MKI67: variants seen among roughly 807,000 people sequenced by gnomAD.
The protein encoded by MKI67 is marker of proliferation Ki-67, also known as proliferation marker protein Ki-67.
MKI67 carries 152 observed loss-of-function variants against 233.5 expected under a neutral mutation model. The ratio of observed to expected loss-of-function variants is 0.65; its 90% CI spans 0.57 to 0.74. The LOEUF (loss-of-function observed/expected upper bound fraction) is 0.74. MKI67 is among the 30% of genes least tolerant of loss of function. The probability of loss-of-function intolerance (pLI) is 0.00; values close to 1 mark genes in which losing one functional copy is unlikely to be tolerated. For synonymous variants in MKI67, 1,465 were observed against 1,418.5 expected (o/e 1.03, Z -0.74); for missense variants, 3,940 against 3,885.2 (o/e 1.01, Z -0.37).
In MKI67 at chr10:128,112,104, T is replaced by TAA. The variant is rs1057107027; in HGVS notation, c.1969+27_1969+28dup. 1.9e-6 allele frequency: 3 copies of TAA among 1,610,086 alleles called. No individual in the cohort carries two copies. The African/African-American group carries it at 4.0e-5, about 22-fold the overall frequency. On this transcript the variant is annotated intron_variant, in intron 9 of 14. Transcript: ENST00000368654. ...TTAGCATTCATGAAAAAATTCACCT[T>TAA]AATATATGTATTCTAATGTCAGACT...
At chr10:128,118,800 T>C (rs1590316912) in intron 5 of MKI67, among the ~76,000 whole-genome samples, 1 of 152,232 alleles carries the variant, frequency 6.6e-6, no homozygotes, top group Non-Finnish European at 1.5e-5. Context: ...TTTTCCTGTT[T>C]CATGGGTCGT....
intron 11 of MKI67, chr10:128,111,374 T>C (rs1003514306): frequency 6.1e-6 from 2 of 325,506 alleles, no homozygotes; most frequent in Admixed American, 4.6e-5. Context: ...CAGCTTTCTA[T>C]GTATACGCTG....
In MKI67 at chr10:128,107,982, C is replaced by T. The variant is rs1852558825; in HGVS notation, c.3858G>A (p.Arg1286=). 6.2e-7 allele frequency: 1 copy of T among 1,613,710 alleles called. No homozygotes were observed. Among genetic ancestry groups the T allele is most frequent in the African/African-American group, 1.3e-5 (1 of 74,842 alleles). Residue 1286 remains arginine (R), a synonymous_variant, in exon 13 of 15, where the codon AGG becomes AGA. Coordinates refer to ENST00000368654, the MANE Select transcript of MKI67 (RefSeq NM_002417.5). ...CTTTGCCTGCTGATGGCATTAGATT[C>T]CTGCACGCTAAGAGTTCTCCCTCTA... is the stretch of plus-strand genomic sequence containing the variant. ...ADVEGELLAC[R]NLMPSAGKAM...
Position 128,123,185 on chromosome 10 carries a change from G to T in MKI67, c.93-16C>A. ...TTCAATACCCCTTCATGCAAAAGAAGAAGGTTTTTTTGGTTGCTGCAACTT... is the reference window on the plus strand; with the variant it reads ...TTCAATACCCCTTCATGCAAAAGAATAAGGTTTTTTTGGTTGCTGCAACTT... On this transcript the variant is annotated splice_polypyrimidine_tract_variant and intron_variant, in intron 2 of 14. Coordinates refer to ENST00000368654, the MANE Select transcript of MKI67 (RefSeq NM_002417.5). 1 of 1,601,174 alleles carries T rather than the reference G, an allele frequency of 6.2e-7. No individual in the cohort carries two copies. Among genetic ancestry groups the T allele is most frequent in the Non-Finnish European group, 8.5e-7 (1 of 1,170,444 alleles).
chr10:128,104,649 C>T lies in MKI67; in HGVS notation c.7191G>A (p.Glu2397=), dbSNP rs773814018. Residue 2397 remains glutamate (E), a synonymous_variant, in exon 13 of 15, where the codon GAG becomes GAA. Coordinates refer to ENST00000368654, the MANE Select transcript of MKI67 (RefSeq NM_002417.5). ...TTTCCACAAATGTGTTGATATTTTT[C>T]TCATCACTTACTGCTGGTTTTGGTG... ...MDTPKPAVSD[E]KNINTFVETP... 2 of 1,613,702 alleles carry T rather than the reference C, an allele frequency of 1.2e-6. No individual in the cohort carries two copies. The highest frequency in any genetic ancestry group is 2.2e-5 in the South Asian group (2 of 91,072).
chr10:128,111,449 A>C lies in MKI67; in HGVS notation c.2260+196T>G, dbSNP rs536078908. ...TATTTCATGCAGGACATGTGATCCCAAAAATTAGCAGAGACTTGTCTTTGC... is the reference window on the plus strand; with the variant it reads ...TATTTCATGCAGGACATGTGATCCCCAAAATTAGCAGAGACTTGTCTTTGC... On this transcript the variant is annotated intron_variant, in intron 11 of 14. Coordinates refer to ENST00000368654, the MANE Select transcript of MKI67 (RefSeq NM_002417.5). 298 of 544,832 alleles carry C rather than the reference A, an allele frequency of 5.5e-4. No individual in the cohort carries two copies. The East Asian group carries it at 6.1e-3, about 11-fold the overall frequency. The allele number at this position is 544,832 out of a possible 1,614,324, so 33.7% of individuals were successfully genotyped here.
At chr10:128,123,316 G>A (rs752467579) in intron 2 of MKI67, 147 bp from the exon 3 acceptor site, 14 of 635,460 alleles carry the variant, frequency 2.2e-5, no homozygotes, top group South Asian at 3.9e-5. Context: ...CAATGTAAAC[G>A]ATCTTGCATT....
At chr10:128,116,339 T>A in intron 6 of MKI67, 152 bp downstream of exon 6, 1 of 716,572 alleles carries the variant, frequency 1.4e-6, no homozygotes, top group Non-Finnish European at 2.4e-6. Flanking sequence ...AAGTTAGGCA[T>A]CTGTCTGTCG....
In MKI67 at chr10:128,097,537, T is replaced by C. The variant is rs1254675753; in HGVS notation, c.*1653A>G. 6.6e-6 allele frequency: 1 copy of C among 152,192 alleles called. No individual in the cohort carries two copies. The highest frequency in any genetic ancestry group is 1.5e-5 in the Non-Finnish European group (1 of 68,040). 9.4% of individuals were successfully genotyped at this position (152,192 alleles called of 1,614,324 possible). A position where few individuals can be genotyped will look rare whatever the true frequency, so the allele number is the denominator to read the frequency against. On this transcript the variant is annotated 3_prime_UTR_variant, in exon 15 of 15. Transcript: ENST00000368654. ...TCCACTCCACAGGCATATGGCTGGA[T>C]GAAATTTTTCTATGTGAGGTTCATA...
intron 8 of MKI67, 101 bp from the exon 9 acceptor site, chr10:128,112,546 T>TC: frequency 2.6e-6 from 3 of 1,148,040 alleles, no homozygotes; most frequent in Non-Finnish European, 3.7e-6. Context: ...GCTGTTTAAA[T>TC]CTTGAAGCAT....
chr10:128,108,090 G>T lies in MKI67; in HGVS notation c.3750C>A (p.Pro1250=), dbSNP rs1852563076. 2 of 1,613,266 alleles carry T rather than the reference G, an allele frequency of 1.2e-6. No individual in the cohort carries two copies. The highest frequency in any genetic ancestry group is 2.7e-5 in the African/African-American group (2 of 74,592). Residue 1250 remains proline, a synonymous_variant, in exon 13 of 15, where the codon CCC becomes CCA. Transcript: ENST00000368654. The part of the protein sequence containing the change: ...LVAAGKTTKI[P]CDSPQSDPVD... ...CTGGGTCTGACTGTGGAGAGTCGCA[G>T]GGTATTTTAGTGGTTTTACCAGCAG...
At chr10:128,110,241 A>T in intron 12 of MKI67, 137 bp downstream of exon 12, 2 of 603,724 alleles carry the variant, frequency 3.3e-6, no homozygotes, top group Non-Finnish European at 5.2e-6. Context: ...CCTTTCAATT[A>T]GAACAGAGAA....
In MKI67 at chr10:128,113,485, G is replaced by A. The variant is rs376530599; in HGVS notation, c.1598C>T (p.Pro533Leu). The A allele has an allele frequency of 2.1e-5, 34 of 1,614,010 alleles. No individual in the cohort carries two copies. Among genetic ancestry groups the A allele is most frequent in the African/African-American group, 4.0e-5 (3 of 74,906 alleles). Residue 533 changes from proline (P) to leucine (L), a missense_variant, in exon 8 of 15, where the codon CCA becomes CTA. Pro to Leu is a moderately conservative substitution (Grantham distance 98, BLOSUM62 -3). Transcript: ENST00000368654. The stretch of plus-strand genomic sequence containing the variant: ...CATTACCAGAGACTTTCTTTTGGTT[G>A]GGGCTTCTCCCCTTTTGAGAGGCGT... The part of the protein sequence containing the change: ...PNTPLKRGEA[P>L]TKRKSLVMHT...
Position 128,115,498 on chromosome 10 carries a change from C to T in MKI67, c.910G>A (p.Ala304Thr), listed in dbSNP as rs200403203. The T allele has an allele frequency of 1.2e-6, 2 of 1,614,146 alleles. No individual in the cohort carries two copies. Among genetic ancestry groups the T allele is most frequent in the African/African-American group, 2.7e-5 (2 of 75,064 alleles). Residue 304 changes from alanine (A) to threonine (T), a missense_variant, in exon 7 of 15, where the codon GCA becomes ACA. Transcript: ENST00000368654. ...TCTTGTTCAGGTGAAGCAGGCTCTGCCACAGCGTGGCCGCTCCCACCAGAT... is the reference window on the plus strand; with the variant it reads ...TCTTGTTCAGGTGAAGCAGGCTCTGTCACAGCGTGGCCGCTCCCACCAGAT... ...PKSGGSGHAV[A>T]EPASPEQELD...
Position 128,106,491 on chromosome 10 carries a change from G to A in MKI67, c.5349C>T (p.His1783=), listed in dbSNP as rs745491975. The A allele has an allele frequency of 2.5e-6, 4 of 1,614,020 alleles. No homozygotes were observed. Among genetic ancestry groups the A allele is most frequent in the Non-Finnish European group, 3.4e-6 (4 of 1,180,004 alleles). The change falls in exon 13 of 15, where the codon CAC becomes CAT. Residue 1783 remains histidine (H), a synonymous_variant. Transcript: ENST00000368654. ...CTTCACCTACTGCTGGTTTGGGTGT[G>A]TGCATGGCTTTGCCTGCTGATGGCG... ...KQTPSAGKAM[H]TPKPAVGEEK... is the part of the protein sequence containing the mutation.
In MKI67 at chr10:128,115,504, C is replaced by T. The variant is rs757803036; in HGVS notation, c.904G>A (p.Ala302Thr). Residue 302 changes from alanine (A) to threonine (T), a missense_variant, in exon 7 of 15, where the codon GCT becomes ACT. Transcript: ENST00000368654. ...TCAGGTGAAGCAGGCTCTGCCACAG[C>T]GTGGCCGCTCCCACCAGATTTTGGT... ...SRPKSGGSGH[A>T]VAEPASPEQE... 6.2e-6 allele frequency: 10 copies of T among 1,614,004 alleles called. No individual in the cohort carries two copies. The Admixed American group carries it at 1.0e-4, about 16-fold the overall frequency.
At chr10:128,112,620 G>A (rs1008326284) in intron 8 of MKI67, among the ~76,000 whole-genome samples, 175 bp from the exon 9 acceptor site, 1 of 152,206 alleles carries the variant, frequency 6.6e-6, no homozygotes, top group African/African-American at 2.4e-5. Flanking sequence ...GTCATTTAAG[G>A]AAAAGGAAAG....
rs574102840 is a variant in MKI67, at chr10:128,125,889, C to T, written c.-89-133G>A. ...GGACCCCAGGACGATCCGACCGCAG[C>T]CCCCGGCGCCCCAAAGTCCGGCAGC... On this transcript the variant is annotated intron_variant, in intron 1 of 14. Transcript: ENST00000368654. This position sits in a 1 kb window ranked among gnomAD's most constrained non-coding sequence, Gnocchi z 5.3. The T allele has an allele frequency of 1.1e-4, 58 of 543,342 alleles. No homozygotes were observed. In the South Asian group the frequency reaches 1.1e-3, roughly 11 times the overall value. The allele number at this position is 543,342 out of a possible 1,614,324, so 33.7% of individuals were successfully genotyped here. A position where few individuals can be genotyped will look rare whatever the true frequency, so the allele number is the denominator to read the frequency against.
intron 14 of MKI67, 23 bp from the exon 15 acceptor site, chr10:128,099,278 G>T (rs780009170): frequency 3.8e-6 from 6 of 1,596,886 alleles, no homozygotes; most frequent in Admixed American, 3.4e-5. Flanking sequence ...AAAAAAAATA[G>T]AACTCTTAAG....
Sources: allele counts gnomAD v4.1 joint callset (sites outside exome capture counted in the v4.1 genomes callset), GRCh38; gene constraint gnomAD v4.1.1; non-coding constraint Gnocchi (gnomAD v3.1); transcripts MANE v1.5; gene names NCBI Gene and HGNC (gene_info 2026-07-23, HGNC 2026-07-21).